Variants in PPP1R3C observed in about 807,000 individuals in gnomAD.
PPP1R3C encodes the protein protein phosphatase 1 regulatory subunit 3C, also known as PP1 subunit R5.
Under a neutral mutation model 29.3 loss-of-function variants are expected in PPP1R3C, and 20 were observed. The ratio of observed to expected loss-of-function variants is 0.68; its 90% CI spans 0.48 to 0.99. The LOEUF (loss-of-function observed/expected upper bound fraction) is 0.99, where lower values mean the gene tolerates loss of function less well. Among genes scored for constraint, PPP1R3C ranks in the 50% least tolerant of loss-of-function variants. PPP1R3C has a pLI of 0.00. For missense variants in PPP1R3C, 321 were observed against 386.0 expected (o/e 0.83, Z 1.41); for synonymous variants, 123 against 143.1 (o/e 0.86, Z 1.00).
intron 1 of PPP1R3C, among the ~76,000 whole-genome samples, chr10:91,632,302 A>C (rs1214156112): frequency 2.0e-5 from 3 of 152,218 alleles, no homozygotes; most frequent in African/African-American, 7.2e-5. Context: ...GGGTCTAATA[A>C]TAGTTAATAG....
chr10:91,632,919 CCT>C (rs1218446319), intron 1 of PPP1R3C, 35 bp downstream of exon 1: 9 of 1,606,360 alleles, frequency 5.6e-6, no homozygotes, highest in Admixed American at 3.4e-5. Flanking sequence ...TGCGCGTTCC[CCT>C]GTGTTCCTAG....
intron 1 of PPP1R3C, 98 bp downstream of exon 1, chr10:91,632,849 CCCTGGGGTG>C: frequency 6.7e-7 from 1 of 1,486,922 alleles, no homozygotes; most frequent in Non-Finnish European, 9.2e-7. Flanking sequence ...CTTGTCCTCC[CCCTGGGGTG>C]TCCATTTCCA....
intron 1 of PPP1R3C, 35 bp downstream of exon 1, chr10:91,632,921 T>G (rs1488123759): frequency 6.2e-7 from 1 of 1,607,034 alleles, no homozygotes; most frequent in East Asian, 2.2e-5. Context: ...CGCGTTCCCC[T>G]GTGTTCCTAG....
At chr10:91,632,904 A>G (rs1167502501) in intron 1 of PPP1R3C, 52 bp downstream of exon 1, 1 of 1,591,802 alleles carries the variant, frequency 6.3e-7, no homozygotes, top group African/African-American at 1.3e-5. Context: ...CAACTTCCCC[A>G]CAGCTGCGCG....
rs530585859 is a variant in PPP1R3C at position 91,630,381 on chromosome 10, C to T, written c.500G>A (p.Arg167Gln). Residue 167 changes from arginine to glutamine, a missense_variant, in exon 2 of 2, where the codon CGA (arginine) becomes CAA (glutamine). Coordinates refer to ENST00000238994, the MANE Select transcript of PPP1R3C (RefSeq NM_005398.7). This position sits in a 1 kb window ranked among gnomAD's most constrained non-coding sequence, Gnocchi z 4.4. ...GACTTTAACAGTCCCTGTCACTGTT[C>T]GCTCTTGCAACGAGCAGTTCTCCAG... ...VCLENCSLQE[R>Q]TVTGTVKVKN... is the part of the protein sequence containing the mutation. The T allele has an allele frequency of 5.6e-6, 9 of 1,614,166 alleles. No individual in the cohort carries two copies. Among genetic ancestry groups the T allele is most frequent in the South Asian group, 2.2e-5 (2 of 91,084 alleles).
chr10:91,629,400 G>A lies in PPP1R3C; in HGVS notation c.*527C>T, dbSNP rs1424811909. ...AAGGTTATTTAGCTTTTCTCCACAA[G>A]GATACGTAGAATGGATCTTTTTCCC... On this transcript the variant is annotated 3_prime_UTR_variant, in exon 2 of 2. Transcript: ENST00000238994. 6.2e-6 allele frequency: 1 copy of A among 160,532 alleles called. No individual in the cohort carries two copies. The highest frequency in any genetic ancestry group is 2.4e-5 in the African/African-American group (1 of 41,458). The allele number at this position is 160,532 out of a possible 1,614,324, so 9.9% of individuals were successfully genotyped here.
chr10:91,631,037 TATGTCTACCTCTACCCTTGGCCGGCTA>T (rs1848713020), intron 1 of PPP1R3C, among the ~76,000 whole-genome samples, 171 bp from the exon 2 acceptor site: 1 of 152,242 alleles, frequency 6.6e-6, no homozygotes, highest in Admixed American at 6.5e-5. Context: ...TCAGATCTTC[TATGTCTACCTCTACCCTTGGCCGGCTA>T]AAGGCTATTA....
rs181891733 is a variant in PPP1R3C at position 91,633,040 on chromosome 10, C to A, written c.-71G>T. On this transcript the variant is annotated 5_prime_UTR_variant, in exon 1 of 2. Transcript: ENST00000238994. ...CACAAATTCGAACCACAGCTCCAGGCCTTGCCCCCGCGGCGGTCGCTGGGA... is the reference window on the plus strand; with the variant it reads ...CACAAATTCGAACCACAGCTCCAGGACTTGCCCCCGCGGCGGTCGCTGGGA... The A allele has an allele frequency of 1.3e-5, 21 of 1,580,268 alleles. No homozygotes were observed. The highest frequency in any genetic ancestry group is 4.6e-5 in the South Asian group (4 of 86,508).
intron 1 of PPP1R3C, among the ~76,000 whole-genome samples, chr10:91,631,222 T>C (rs1369993240): frequency 3.3e-5 from 5 of 152,222 alleles, no homozygotes; most frequent in Non-Finnish European, 5.9e-5. Context: ...GGTCACTATG[T>C]CTAGGGAATT....
rs369171784 is a variant in PPP1R3C at position 91,630,591 on chromosome 10, G to A, written c.290C>T (p.Ala97Val). 1.5e-5 allele frequency: 24 copies of A among 1,613,128 alleles called. No individual in the cohort carries two copies. The Admixed American group carries it at 1.8e-4, about 12-fold the overall frequency. Reference sequence around the variant, plus strand: ...TGGGAGGTCGGAGAAGACATGGATCGCAGTGAGAGAGAGGCCCTTGGAGTC... The same window carrying A: ...TGGGAGGTCGGAGAAGACATGGATCACAGTGAGAGAGAGGCCCTTGGAGTC... ...FADSKGLSLT[A>V]IHVFSDLPEE... Residue 97 changes from alanine (A) to valine (V), a missense_variant, in exon 2 of 2, where the codon GCG (alanine) becomes GTG (valine). By Grantham distance (64) the Ala-to-Val change is moderately conservative. Coordinates refer to ENST00000238994, the MANE Select transcript of PPP1R3C (RefSeq NM_005398.7). The surrounding 1 kb of genome is among the most constrained non-coding windows in gnomAD (Gnocchi z 4.4).
At chr10:91,631,768 T>C (rs1168133077) in intron 1 of PPP1R3C, among the ~76,000 whole-genome samples, 1 of 152,166 alleles carries the variant, frequency 6.6e-6, no homozygotes, top group Non-Finnish European at 1.5e-5. Context: ...TGTTTTAAAA[T>C]ATACATTTTA....
Position 91,633,007 on chromosome 10 carries a change from G to C in PPP1R3C, c.-38C>G. On this transcript the variant is annotated 5_prime_UTR_variant, in exon 1 of 2. Coordinates refer to ENST00000238994, the MANE Select transcript of PPP1R3C (RefSeq NM_005398.7). ...CGGCGGACCCTAAAAGCCAGCACCC[G>C]CTGCCTGCACAAATTCGAACCACAG... The C allele has an allele frequency of 6.2e-7, 1 of 1,607,230 alleles. No individual in the cohort carries two copies. The highest frequency in any genetic ancestry group is 8.5e-7 in the Non-Finnish European group (1 of 1,176,932).
Position 91,630,050 on chromosome 10 carries a change from G to GA in PPP1R3C, c.830dup (p.His278ProfsTer6). 1 of 1,614,216 alleles carries GA rather than the reference G, an allele frequency of 6.2e-7. No homozygotes were observed. Among genetic ancestry groups the GA allele is most frequent in the Non-Finnish European group, 8.5e-7 (1 of 1,180,050 alleles). On this transcript the variant is annotated frameshift_variant, in exon 2 of 2. Coordinates refer to ENST00000238994, the MANE Select transcript of PPP1R3C (RefSeq NM_005398.7). LOFTEE classifies it high-confidence loss of function. The surrounding 1 kb of genome is among the most constrained non-coding windows in gnomAD (Gnocchi z 4.4). Reference sequence around the variant, plus strand: ...ACTCTGTCTTAGGAGACGTCTGGTGGAATGCACAGTCCTGGGGTGCCATCT... The same window carrying GA: ...ACTCTGTCTTAGGAGACGTCTGGTGGAAATGCACAGTCCTGGGGTGCCATCT...
rs868612523 is a variant in PPP1R3C, at chr10:91,630,627, A to G, written c.254T>C (p.Val85Ala). Reference sequence around the variant, plus strand: ...GAGGCCCTTGGAGTCAGCAAACACAACGCGCTTCTTGGCTTGGTTGTGTGA... The same window carrying G: ...GAGGCCCTTGGAGTCAGCAAACACAGCGCGCTTCTTGGCTTGGTTGTGTGA... ...KCSHNQAKKR[V>A]VFADSKGLSL... Residue 85 changes from valine to alanine, a missense_variant, in exon 2 of 2, where the codon GTT becomes GCT. Coordinates refer to ENST00000238994, the MANE Select transcript of PPP1R3C (RefSeq NM_005398.7). This position sits in a 1 kb window ranked among gnomAD's most constrained non-coding sequence, Gnocchi z 4.4. 4 of 1,611,132 alleles carry G rather than the reference A, an allele frequency of 2.5e-6. No homozygotes were observed. In the Admixed American group the frequency reaches 5.0e-5, roughly 20 times the overall value.
intron 1 of PPP1R3C, 43 bp downstream of exon 1, chr10:91,632,913 C>G (rs1216926991): frequency 1.2e-6 from 2 of 1,602,012 alleles, no homozygotes; most frequent in South Asian, 2.3e-5. Flanking sequence ...CACAGCTGCG[C>G]GTTCCCCTGT....
chr10:91,630,328 G>T lies in PPP1R3C; in HGVS notation c.553C>A (p.Gln185Lys). 6.2e-7 allele frequency: 1 copy of T among 1,614,158 alleles called. No homozygotes were observed. Among genetic ancestry groups the T allele is most frequent in the Non-Finnish European group, 8.5e-7 (1 of 1,180,038 alleles). Residue 185 changes from glutamine (Q) to lysine (K), a missense_variant, in exon 2 of 2, where the codon CAG (glutamine) becomes AAG (lysine). Gln to Lys is a moderately conservative substitution (Grantham distance 53). Transcript: ENST00000238994. This position sits in a 1 kb window ranked among gnomAD's most constrained non-coding sequence, Gnocchi z 4.4. Reference protein sequence around the residue: ...VKNVSFEKKVQIRITFDSWKN... With the variant: ...VKNVSFEKKVKIRITFDSWKN... ...CAAGAATCGAAAGTGATACGGATCTGAACTTTCTTCTCAAAACTCACATTT... is the reference window on the plus strand; with the variant it reads ...CAAGAATCGAAAGTGATACGGATCTTAACTTTCTTCTCAAAACTCACATTT...
rs1848709279 is a variant in PPP1R3C, at chr10:91,630,708, AG to A, written c.172del (p.Leu58Ter). On this transcript the variant is annotated frameshift_variant, in exon 2 of 2. Coordinates refer to ENST00000238994, the MANE Select transcript of PPP1R3C (RefSeq NM_005398.7). LOFTEE classifies it high-confidence loss of function. This position sits in a 1 kb window ranked among gnomAD's most constrained non-coding sequence, Gnocchi z 4.4. ...GTGTTTTATATTGAGACATGATTTCAGGGGCTTTAATTTATTCACAAAATGT... is the reference window on the plus strand; with the variant it reads ...GTGTTTTATATTGAGACATGATTTCAGGGCTTTAATTTATTCACAAAATGT... ...RRHFVNKLKP[L>X]KSCLNIKHKA... 1.2e-6 allele frequency: 2 copies of A among 1,614,178 alleles called. No individual in the cohort carries two copies. The highest frequency in any genetic ancestry group is 1.7e-5 in the Admixed American group (1 of 60,016).
Position 91,630,477 on chromosome 10 carries a change from A to G in PPP1R3C, c.404T>C (p.Ile135Thr). 1 of 1,614,208 alleles carries G rather than the reference A, an allele frequency of 6.2e-7. No homozygotes were observed. The highest frequency in any genetic ancestry group is 1.1e-5 in the South Asian group (1 of 91,080). ...ALKHHEEKNL[I>T]LDFPQPSTDY... ...GGTTGAAGGCTGAGGGAAATCTAAA[A>G]TCAAGTTTTTCTCCTCGTGGTGTTT... Residue 135 changes from isoleucine to threonine, a missense_variant, in exon 2 of 2, where the codon ATT (isoleucine) becomes ACT (threonine). Coordinates refer to ENST00000238994, the MANE Select transcript of PPP1R3C (RefSeq NM_005398.7). The surrounding 1 kb of genome is among the most constrained non-coding windows in gnomAD (Gnocchi z 4.4).
chr10:91,630,389 C>A lies in PPP1R3C; in HGVS notation c.492G>T (p.Leu164Phe). 1.2e-6 allele frequency: 2 copies of A among 1,614,196 alleles called. No homozygotes were observed. The highest frequency in any genetic ancestry group is 1.6e-4 in the Middle Eastern group (1 of 6,062). ...KNFVCLENCSLQERTVTGTVK... is the reference protein window; with the variant it reads ...KNFVCLENCSFQERTVTGTVK... ...CAGTCCCTGTCACTGTTCGCTCTTG[C>A]AACGAGCAGTTCTCCAGACAGACAA... The change falls in exon 2 of 2, where the codon TTG (leucine) becomes TTT (phenylalanine). Residue 164 changes from leucine to phenylalanine, a missense_variant. Leu to Phe is a conservative substitution (Grantham distance 22). Transcript: ENST00000238994. This position sits in a 1 kb window ranked among gnomAD's most constrained non-coding sequence, Gnocchi z 4.4.
Sources: gnomAD v4.1 joint callset for allele counts (sites outside exome capture counted in the v4.1 genomes callset) on GRCh38, gnomAD v4.1.1 for gene constraint, Gnocchi (gnomAD v3.1) non-coding constraint, MANE v1.5 for transcripts, NCBI Gene and HGNC (gene_info 2026-07-23, HGNC 2026-07-21) for gene names.